Variants in CCDC78 observed in about 807,000 individuals in gnomAD.
CCDC78 encodes coiled-coil domain containing 78.
In CCDC78, 78 loss-of-function variants were observed where a neutral mutation model predicts 61.9. The ratio of observed to expected loss-of-function variants is 1.26; its 90% CI spans 1.05 to 1.52. CCDC78 has a LOEUF of 1.52. Among genes scored for constraint, CCDC78 ranks in the 40% most tolerant of loss-of-function variants. CCDC78 has a pLI of 0.00. For synonymous variants in CCDC78, 287 were observed against 251.9 expected (o/e 1.14, Z -1.32); for missense variants, 737 against 615.5 (o/e 1.20, Z -2.09).
In CCDC78 at chr16:725,547, C is replaced by G; in HGVS notation, c.301G>C (p.Glu101Gln). 2 of 1,611,426 alleles carry G rather than the reference C, an allele frequency of 1.2e-6. No homozygotes were observed. Among genetic ancestry groups the G allele is most frequent in the Non-Finnish European group, 1.7e-6 (2 of 1,179,558 alleles). Residue 101 changes from glutamate to glutamine, a missense_variant, in exon 4 of 14, where the codon GAG becomes CAG. Glu to Gln is a conservative substitution (Grantham distance 29, BLOSUM62 2). Transcript: ENST00000345165. The stretch of plus-strand genomic sequence containing the variant: ...TGGCTGGTGCCATCTCCTCGCAGCT[C>G]CAGCTCCAGTACCCGGCTCTCCAGC... ...LRLESRVLEL[E>Q]LRGDGTSQGC...
chr16:724,236 C>T (rs1190337616), intron 9 of CCDC78, 31 bp from the exon 10 acceptor site: 18 of 1,584,272 alleles, frequency 1.1e-5, no homozygotes, highest in Non-Finnish European at 1.5e-5. Context: ...CTGTCTGGGG[C>T]CACTCCTGCT....
rs2040680304 is a variant in CCDC78 at position 724,769 on chromosome 16, T to A, written c.677A>T (p.Glu226Val). ...CAGCTGCAGCCGGGCATTTTCAGCC[T>A]CTGCCTGACGGAGCTGGCCTTGGCA... is the stretch of plus-strand genomic sequence containing the variant. Reference protein sequence around the residue: ...CSCQGQLRQAEAENARLQLQL... With the variant: ...CSCQGQLRQAVAENARLQLQL... The change falls in exon 8 of 14, where the codon GAG (glutamate) becomes GTG (valine). Residue 226 changes from glutamate to valine, a missense_variant. By Grantham distance (121) the Glu-to-Val change is moderately radical. Transcript: ENST00000345165. 2 of 1,611,992 alleles carry A rather than the reference T, an allele frequency of 1.2e-6. No individual in the cohort carries two copies. The highest frequency in any genetic ancestry group is 1.7e-6 in the Non-Finnish European group (2 of 1,179,772).
At chr16:725,753 C>A (rs1164956113) in intron 3 of CCDC78, 41 bp downstream of exon 3, 4 of 1,582,020 alleles carry the variant, frequency 2.5e-6, no homozygotes, top group East Asian at 2.3e-5. Context: ...CCTGCACCCC[C>A]CGTCCCCCAT....
intron 6 of CCDC78, 37 bp from the exon 7 acceptor site, chr16:725,026 T>A (rs1186674058): frequency 3.1e-6 from 5 of 1,612,434 alleles, no homozygotes; most frequent in Non-Finnish European, 4.2e-6. Flanking sequence ...AGGCCCACGA[T>A]CAGGGGTTCT....
chr16:723,042 C>A lies in CCDC78; in HGVS notation c.1201-20G>T, dbSNP rs1255761841. The stretch of plus-strand genomic sequence containing the variant: ...CTCTGCCTGGCATGGGGATGTAAGC[C>A]ATGAGCTGGGGCATGGCGTGAGGAT... On this transcript the variant is annotated intron_variant, in intron 12 of 13. Transcript: ENST00000345165. 1 of 1,612,602 alleles carries A rather than the reference C, an allele frequency of 6.2e-7. No homozygotes were observed. The highest frequency in any genetic ancestry group is 8.5e-7 in the Non-Finnish European group (1 of 1,179,994).
intron 11 of CCDC78, chr16:723,451 G>A (rs368970465): frequency 3.8e-5 from 26 of 689,188 alleles, no homozygotes; most frequent in African/African-American, 1.2e-4. Context: ...ACCCCCACAC[G>A]GGTGTGCCCT....
chr16:726,474 G>C (rs1403243169), upstream of CCDC78: 2 of 1,395,632 alleles, frequency 1.4e-6, no homozygotes, highest in African/African-American at 2.9e-5. Flanking sequence ...CAAGGCCTCT[G>C]TTGGTCCCAG....
Position 724,744 on chromosome 16 carries a change from C to A in CCDC78, c.702G>T (p.Leu234=). The A allele has an allele frequency of 1.2e-6, 2 of 1,612,190 alleles. No individual in the cohort carries two copies. The highest frequency in any genetic ancestry group is 1.7e-6 in the Non-Finnish European group (2 of 1,179,756). Residue 234 remains leucine (L), a synonymous_variant, in exon 8 of 14, where the codon CTG becomes CTT. Coordinates refer to ENST00000345165, the MANE Select transcript of CCDC78 (RefSeq NM_001378030.1). ...ACTCATCCTTCAGTTTCTTGAGCTG[C>A]AGCTGCAGCCGGGCATTTTCAGCCT... The part of the protein sequence containing the change: ...QAEAENARLQ[L]QLKKLKDEYV...
At position 725,781 on chromosome 16, in the gene CCDC78, C is replaced by T; in HGVS notation, c.267+13G>A. The T allele has an allele frequency of 6.3e-7, 1 of 1,598,714 alleles. No individual in the cohort carries two copies. Among genetic ancestry groups the T allele is most frequent in the Non-Finnish European group, 8.5e-7 (1 of 1,172,086 alleles). On this transcript the variant is annotated intron_variant, in intron 3 of 13. Coordinates refer to ENST00000345165, the MANE Select transcript of CCDC78 (RefSeq NM_001378030.1). ...TCCCCCATGCACTGAGGCTGGTTCA[C>T]ACGGCTGCTCACCTCACTCTTCAGC...
Position 723,094 on chromosome 16 carries a change from C to T in CCDC78, c.1200+1G>A. On this transcript the variant is annotated splice_donor_variant, in intron 12 of 13. Transcript: ENST00000345165. LOFTEE classifies it high-confidence loss of function. Reference sequence around the variant, plus strand: ...GGCCTGGGCCAGCCCTTGCCTCCTACCTGGGTGCTGCGGGAGAAGTCCCGG... The same window carrying T: ...GGCCTGGGCCAGCCCTTGCCTCCTATCTGGGTGCTGCGGGAGAAGTCCCGG... The T allele has an allele frequency of 5.6e-6, 9 of 1,612,772 alleles. No individual in the cohort carries two copies. The highest frequency in any genetic ancestry group is 7.6e-6 in the Non-Finnish European group (9 of 1,180,012).
intron 1 of CCDC78, 77 bp downstream of exon 1, chr16:726,231 C>G (rs1596643726): frequency 4.5e-6 from 7 of 1,550,154 alleles, no homozygotes; most frequent in Admixed American, 2.0e-5. Context: ...GGTGCAGGAA[C>G]CTGCACCCTC....
rs771325252 is a variant in CCDC78, at chr16:724,219, C to A, written c.954-14G>T. The A allele has an allele frequency of 3.1e-6, 5 of 1,588,694 alleles. No individual in the cohort carries two copies. The highest frequency in any genetic ancestry group is 4.3e-6 in the Non-Finnish European group (5 of 1,166,230). ...TTCCCAGGTGCCCTGTCAGGGTAGG[C>A]TAGTGTCTGTCTGGGGCCACTCCTG... On this transcript the variant is annotated splice_polypyrimidine_tract_variant and intron_variant, in intron 9 of 13. Transcript: ENST00000345165.
chr16:724,127 G>C lies in CCDC78; in HGVS notation c.1032C>G (p.Asp344Glu). 1 of 1,600,926 alleles carries C rather than the reference G, an allele frequency of 6.2e-7. No homozygotes were observed. The highest frequency in any genetic ancestry group is 8.5e-7 in the Non-Finnish European group (1 of 1,173,938). The change falls in exon 10 of 14, where the codon GAC (aspartate) becomes GAG (glutamate). Residue 344 changes from aspartate (D) to glutamate (E), a missense_variant. Asp to Glu is a conservative substitution (Grantham distance 45). Coordinates refer to ENST00000345165, the MANE Select transcript of CCDC78 (RefSeq NM_001378030.1). ...LEPLPVPLVTDFSHREDQHGG... is the reference protein window; with the variant it reads ...LEPLPVPLVTEFSHREDQHGG... ...TCACCTGGTCCTCCCGATGGCTGAA[G>C]TCAGTGACCAGGGGCACGGGCAATG...
chr16:722,803 C>G lies in CCDC78; in HGVS notation c.1302-14G>C. On this transcript the variant is annotated splice_polypyrimidine_tract_variant and intron_variant, in intron 13 of 13. Coordinates refer to ENST00000345165, the MANE Select transcript of CCDC78 (RefSeq NM_001378030.1). ...TCGTGCTTGTACCTGCTCAGAGGAA[C>G]CATGCTTAAGTGACTTGCCCAGCTG... The G allele has an allele frequency of 8.1e-6, 13 of 1,612,470 alleles. No homozygotes were observed. Among genetic ancestry groups the G allele is most frequent in the African/African-American group, 1.3e-5 (1 of 75,042 alleles).
rs372605148 is a variant in CCDC78 at position 725,774 on chromosome 16, T to C, written c.267+20A>G. 5 of 1,595,856 alleles carry C rather than the reference T, an allele frequency of 3.1e-6. No individual in the cohort carries two copies. The highest frequency in any genetic ancestry group is 4.3e-6 in the Non-Finnish European group (5 of 1,170,416). The stretch of plus-strand genomic sequence containing the variant: ...CCCCCCGTCCCCCATGCACTGAGGC[T>C]GGTTCACACGGCTGCTCACCTCACT... On this transcript the variant is annotated intron_variant, in intron 3 of 13. Transcript: ENST00000345165.
In CCDC78 at chr16:723,080, GC is replaced by G. The variant is rs745706268; in HGVS notation, c.1200+14del. Reference sequence around the variant, plus strand: ...ATGGCGTGAGGATGGGCCTGGGCCAGCCCTTGCCTCCTACCTGGGTGCTGCG... The same window carrying G: ...ATGGCGTGAGGATGGGCCTGGGCCAGCCTTGCCTCCTACCTGGGTGCTGCG... On this transcript the variant is annotated intron_variant, in intron 12 of 13. Coordinates refer to ENST00000345165, the MANE Select transcript of CCDC78 (RefSeq NM_001378030.1). The G allele has an allele frequency of 4.3e-6, 7 of 1,612,694 alleles. No individual in the cohort carries two copies. The East Asian group carries it at 1.6e-4, about 36-fold the overall frequency.
upstream of CCDC78, chr16:726,487 G>T: frequency 1.6e-6 from 2 of 1,279,376 alleles, no homozygotes; most frequent in Non-Finnish European, 2.1e-6. Flanking sequence ...GGTCCCAGGT[G>T]ACTCCCAGGG....
chr16:725,694 C>T, intron 3 of CCDC78, 100 bp downstream of exon 3: 1 of 1,569,800 alleles, frequency 6.4e-7, no homozygotes, highest in Non-Finnish European at 8.6e-7. Context: ...GGCTGAGACC[C>T]ACAGATGCCA....
In CCDC78 at chr16:724,780, G is replaced by C. The variant is rs778705590; in HGVS notation, c.666C>G (p.Leu222=). 7 of 1,612,028 alleles carry C rather than the reference G, an allele frequency of 4.3e-6. No individual in the cohort carries two copies. The Admixed American group carries it at 1.0e-4, about 23-fold the overall frequency. The change falls in exon 8 of 14, where the codon CTC becomes CTG. Residue 222 remains leucine (L), a synonymous_variant. Transcript: ENST00000345165. ...GGGCATTTTCAGCCTCTGCCTGACGGAGCTGGCCTTGGCAGCTGCACAGCA... is the reference window on the plus strand; with the variant it reads ...GGGCATTTTCAGCCTCTGCCTGACGCAGCTGGCCTTGGCAGCTGCACAGCA... ...AVVLCSCQGQ[L]RQAEAENARL...
Sources: allele counts gnomAD v4.1 joint callset, GRCh38; gene constraint gnomAD v4.1.1; transcripts MANE v1.5; gene names NCBI Gene and HGNC (gene_info 2026-07-23, HGNC 2026-07-21).